The following MXD1 variants were observed in gnomAD, a reference collection of about 807,000 sequenced individuals.
The protein encoded by MXD1 is MAX dimerization protein 1, also known as MAX-binding protein.
In MXD1, 9 loss-of-function variants were observed where a neutral mutation model predicts 25.7. The ratio of observed to expected loss-of-function variants is 0.35; its 90% CI spans 0.21 to 0.61. The LOEUF is 0.61. Ranked by LOEUF, MXD1 falls within the 20% of genes least tolerant of loss-of-function variation. The pLI is 0.75. For synonymous variants in MXD1, 99 were observed against 113.9 expected, an observed-to-expected ratio of 0.87 and a Z score of 0.83; for missense variants, 227 against 292.4, an observed-to-expected ratio of 0.78 and a Z score of 1.63.
chr2:69,938,575 CAATCCCCCTCTT>C lies in MXD1; in HGVS notation c.*292_*303del. On this transcript the variant is annotated 3_prime_UTR_variant, in exon 6 of 6. Coordinates refer to ENST00000264444, the MANE Select transcript of MXD1 (RefSeq NM_002357.4). ...CGAATAAGCAATGTCCACATCTCAG[CAATCCCCCTCTT>C]TGCTCTCCTCGTGTCCTCTCCCAGA... The C allele has an allele frequency of 3.2e-6, 1 of 309,788 alleles. No homozygotes were observed. The highest frequency in any genetic ancestry group is 6.1e-6 in the Non-Finnish European group (1 of 164,668). The allele number at this position is 309,788 out of a possible 1,614,324, so 19.2% of individuals were successfully genotyped here.
At chr2:69,933,457 C>T (rs1677348441) in intron 3 of MXD1, among the ~76,000 whole-genome samples, 1 of 152,094 alleles carries the variant, frequency 6.6e-6, no homozygotes, top group Non-Finnish European at 1.5e-5. Context: ...AGTCTTTGCT[C>T]TGACTCTGCC....
chr2:69,936,215 C>A (rs574778784), intron 4 of MXD1, among the ~76,000 whole-genome samples: 51 of 152,230 alleles, frequency 3.4e-4, no homozygotes, highest in Non-Finnish European at 5.9e-5. Context: ...AACTCAGTGA[C>A]CTCCTTCCTG....
Position 69,938,134 on chromosome 2 carries a change from C to A in MXD1, c.516C>A (p.Leu172=). The A allele has an allele frequency of 1.2e-6, 2 of 1,614,216 alleles. No individual in the cohort carries two copies. Among genetic ancestry groups the A allele is most frequent in the East Asian group, 4.5e-5 (2 of 44,890 alleles). ...TTGACGTGGAGAGCACGGACTATCTCACAGGTGATCTGGACTGGAGCAGCA... is the reference window on the plus strand; with the variant it reads ...TTGACGTGGAGAGCACGGACTATCTAACAGGTGATCTGGACTGGAGCAGCA... ...IDVDVESTDY[L]TGDLDWSSSS... The change falls in exon 6 of 6, where the codon CTC becomes CTA. Residue 172 remains leucine (L), a synonymous_variant. Transcript: ENST00000264444.
At chr2:69,918,394 A>G (rs971200342) in intron 2 of MXD1, among the ~76,000 whole-genome samples, 7 of 152,218 alleles carry the variant, frequency 4.6e-5, no homozygotes, top group Admixed American at 3.3e-4. Context: ...GCTTATTAAA[A>G]CAACAAAAAT....
At chr2:69,925,318 A>G (rs1389252286) in intron 3 of MXD1, among the ~76,000 whole-genome samples, 1 of 152,126 alleles carries the variant, frequency 6.6e-6, no homozygotes, top group Non-Finnish European at 1.5e-5. Flanking sequence ...TTTGAGAAAT[A>G]TAGAAAATAA....
At chr2:69,934,959 T>C (rs75516840) in intron 3 of MXD1, among the ~76,000 whole-genome samples, 6,933 of 152,188 alleles carry the variant, frequency 0.046, 506 homozygotes, top group African/African-American at 0.16. Flanking sequence ...AAGCCCATCA[T>C]AAATAAAAAA....
At chr2:69,937,956 C>T (rs1438250218) in intron 5 of MXD1, 141 bp from the exon 6 acceptor site, 5 of 728,134 alleles carry the variant, frequency 6.9e-6, no homozygotes, top group Non-Finnish European at 1.1e-5. Context: ...TGTGTTGGCC[C>T]AGCTGGTCTC....
intron 2 of MXD1, 37 bp downstream of exon 2, chr2:69,916,257 A>C: frequency 2.4e-6 from 3 of 1,260,966 alleles, no homozygotes; most frequent in Non-Finnish European, 3.4e-6. Context: ...CTTTTAGATT[A>C]TATTGTAGGT....
intron 3 of MXD1, among the ~76,000 whole-genome samples, chr2:69,930,088 T>A (rs1677249982): frequency 6.6e-6 from 1 of 152,208 alleles, no homozygotes; most frequent in African/African-American, 2.4e-5. Flanking sequence ...TAAACAAACT[T>A]GAGGAACATT....
At chr2:69,931,923 G>A (rs1037736333) in intron 3 of MXD1, among the ~76,000 whole-genome samples, 14 of 152,200 alleles carry the variant, frequency 9.2e-5, no homozygotes, top group African/African-American at 3.4e-4. Flanking sequence ...CCAGGAAGAT[G>A]GGAGGTAGCT....
rs1352433373 is a variant in MXD1 at position 69,942,429 on chromosome 2, C to T, written c.*4145C>T. 3 of 152,126 alleles carry T rather than the reference C, an allele frequency of 2.0e-5. No individual in the cohort carries two copies. The highest frequency in any genetic ancestry group is 7.2e-5 in the African/African-American group (3 of 41,420). 9.4% of individuals were successfully genotyped at this position (152,126 alleles called of 1,614,324 possible). On this transcript the variant is annotated 3_prime_UTR_variant, in exon 6 of 6. Transcript: ENST00000264444. ...TCTTCTGAAAGAAGAAATTGACAGG[C>T]ACTGCTAGATTCAGCTATTGAATGG... is the stretch of plus-strand genomic sequence containing the variant.
rs755660364 is a variant in MXD1, at chr2:69,938,183, C to T, written c.565C>T (p.Arg189Trp). The change falls in exon 6 of 6, where the codon CGG becomes TGG. Residue 189 changes from arginine to tryptophan, a missense_variant. By Grantham distance (101) the Arg-to-Trp change is moderately radical (BLOSUM62 -3). Transcript: ENST00000264444. ...SSSSVSDSDE[R>W]GSMQSLGSDE... Reference sequence around the variant, plus strand: ...CAGCAGTGTGAGCGACTCTGACGAGCGGGGCAGCATGCAGAGCCTCGGCAG... The same window carrying T: ...CAGCAGTGTGAGCGACTCTGACGAGTGGGGCAGCATGCAGAGCCTCGGCAG... 50 of 1,614,066 alleles carry T rather than the reference C, an allele frequency of 3.1e-5. No individual in the cohort carries two copies. The highest frequency in any genetic ancestry group is 1.3e-4 in the South Asian group (12 of 91,084).
chr2:69,932,670 G>T (rs935332317), intron 3 of MXD1, among the ~76,000 whole-genome samples: 3 of 152,144 alleles, frequency 2.0e-5, no homozygotes, highest in African/African-American at 7.2e-5. Context: ...CCACATTTGG[G>T]TAGTGAAAAT....
In MXD1 at chr2:69,937,364, G is replaced by A. The variant is rs770685645; in HGVS notation, c.448G>A (p.Val150Ile). 2.2e-5 allele frequency: 35 copies of A among 1,613,068 alleles called. No homozygotes were observed. Among genetic ancestry groups the A allele is most frequent in the Non-Finnish European group, 2.6e-5 (31 of 1,179,578 alleles). Residue 150 changes from valine to isoleucine, a missense_variant, in exon 5 of 6, where the codon GTC becomes ATC. Transcript: ENST00000264444. ...RIRMDSIGST[V>I]SSERSDSDRE... ...CCGGATGGACAGCATCGGCTCCACC[G>A]TCTCCTCGGAGCGCTCCGACTCCGA...
chr2:69,927,201 T>C (rs1031384063), intron 3 of MXD1, among the ~76,000 whole-genome samples: 1 of 152,246 alleles, frequency 6.6e-6, no homozygotes, highest in Non-Finnish European at 1.5e-5. Flanking sequence ...CTTTTGGGTT[T>C]TGATTTTTCA....
intron 2 of MXD1, among the ~76,000 whole-genome samples, chr2:69,917,217 G>T (rs868841533): frequency 1.3e-5 from 2 of 152,138 alleles, no homozygotes; most frequent in Non-Finnish European, 2.9e-5. Context: ...TTCTTGCTGC[G>T]TCTTCTGTAC....
chr2:69,928,152 C>T (rs1677206348), intron 3 of MXD1, among the ~76,000 whole-genome samples: 1 of 152,214 alleles, frequency 6.6e-6, no homozygotes, highest in Non-Finnish European at 1.5e-5. Context: ...ACAGCTCATA[C>T]ATACCCATAT....
At chr2:69,924,038 C>A (rs1360529609) in intron 3 of MXD1, among the ~76,000 whole-genome samples, 1 of 152,170 alleles carries the variant, frequency 6.6e-6, no homozygotes, top group African/African-American at 2.4e-5. Context: ...TATTATAGCA[C>A]CTCAGGGATG....
At chr2:69,919,827 G>A (rs994096220) in intron 2 of MXD1, among the ~76,000 whole-genome samples, 3 of 152,020 alleles carry the variant, frequency 2.0e-5, no homozygotes, top group Non-Finnish European at 4.4e-5. Flanking sequence ...ATAACCAAGT[G>A]AATCAGTGTA....
Sources: allele counts gnomAD v4.1 joint callset (sites outside exome capture counted in the v4.1 genomes callset), GRCh38; gene constraint gnomAD v4.1.1; transcripts MANE v1.5; gene names NCBI Gene and HGNC (gene_info 2026-07-23, HGNC 2026-07-21).